Variants in ARHGAP44 observed in about 807,000 individuals in gnomAD.
ARHGAP44 encodes Rho GTPase activating protein 44.
In ARHGAP44, 43 loss-of-function variants were observed where a neutral mutation model predicts 106.8. The ratio of observed to expected loss-of-function variants is 0.40; its 90% CI spans 0.32 to 0.52. The LOEUF (loss-of-function observed/expected upper bound fraction) is 0.52, where lower values mean the gene tolerates loss of function less well. ARHGAP44 is among the 20% of genes least tolerant of loss of function. The probability of loss-of-function intolerance (pLI) is 0.48; values close to 1 mark genes in which losing one functional copy is unlikely to be tolerated. For missense variants in ARHGAP44, 866 were observed against 1,050.5 expected (o/e 0.82, Z 2.43); for synonymous variants, 439 against 410.3 (o/e 1.07, Z -0.85).
At chr17:12,835,425 G>A (rs2035209025) in intron 1 of ARHGAP44, among the ~76,000 whole-genome samples, 1 of 152,102 alleles carries the variant, frequency 6.6e-6, no homozygotes, top group South Asian at 2.1e-4. Context: ...AATACCGTAG[G>A]CATGATGATA....
At chr17:12,903,125 AGGAGAGAGAGAGAGAGTGTGT>A in intron 3 of ARHGAP44, among the ~76,000 whole-genome samples, 2 of 72,770 alleles carry the variant, frequency 2.7e-5, no homozygotes, top group African/African-American at 1.2e-4. Context: ...AGAGAGAGAG[AGGAGAGAGAGAGAGAGTGTGT>A]GTGTGTGTGT....
In ARHGAP44 at chr17:12,974,198, G is replaced by T; in HGVS notation, c.1651G>T (p.Glu551Ter). The change falls in exon 18 of 21, where the codon GAG (glutamate) becomes TAG (stop). Residue 551 changes from glutamate to a stop codon, truncating the protein, a stop_gained. Coordinates refer to ENST00000379672, the MANE Select transcript of ARHGAP44 (RefSeq NM_014859.6). LOFTEE classifies it high-confidence loss of function. ...CATGCAGCCTCCCGCCCCGCCCGCC[G>T]AGCTGGCTGCGCCCCTGCCTTCGCC... Reference protein sequence around the residue: ...PSMQPPAPPAELAAPLPSPLP... With the variant: ...PSMQPPAPPA 6.5e-7 allele frequency: 1 copy of T among 1,548,556 alleles called. No individual in the cohort carries two copies. Among genetic ancestry groups the T allele is most frequent in the Non-Finnish European group, 8.7e-7 (1 of 1,146,726 alleles).
rs1437625903 is a variant in ARHGAP44, at chr17:12,827,215, G to T, written c.53+37324G>T. On this transcript the variant is annotated intron_variant, in intron 1 of 20. Coordinates refer to ENST00000379672, the MANE Select transcript of ARHGAP44 (RefSeq NM_014859.6). ...TTTTGTCTGTGTTCTTATAAAATAT[G>T]TATTGTTGTTTTGGTTATTTTAATT... 1.8e-4 allele frequency among the ~76,000 whole-genome samples: 28 copies of T among 152,072 alleles called. 1 individual carries two copies. Among genetic ancestry groups the T allele is most frequent in the Admixed American group, 1.8e-3 (27 of 15,276 alleles).
intron 16 of ARHGAP44, among the ~76,000 whole-genome samples, chr17:12,963,027 C>CA (rs2039300445): frequency 8.5e-6 from 1 of 117,046 alleles, no homozygotes; most frequent in South Asian, 2.6e-4. Flanking sequence ...GCCTGGGCAA[C>CA]AGGAGTGAAA....
Position 12,789,764 on chromosome 17 carries a change from C to CCACG in ARHGAP44, c.-75_-74insCACG. ...CGCCCGGGAGGCTCCGCGCGGGAGC[C>CCACG]ATGTAACCCTGCGGCGGGCTCCGGG... is the stretch of plus-strand genomic sequence containing the variant. On this transcript the variant is annotated 5_prime_UTR_variant, in exon 1 of 21. Transcript: ENST00000379672. 7.5e-7 allele frequency: 1 copy of CCACG among 1,331,218 alleles called. No individual in the cohort carries two copies. Among genetic ancestry groups the CCACG allele is most frequent in the Non-Finnish European group, 9.8e-7 (1 of 1,022,778 alleles). The allele number at this position is 1,331,218 out of a possible 1,614,324, so 82.5% of individuals were successfully genotyped here.
At chr17:12,799,379 G>A (rs1488810246) in intron 1 of ARHGAP44, among the ~76,000 whole-genome samples, 4 of 152,200 alleles carry the variant, frequency 2.6e-5, no homozygotes, top group Non-Finnish European at 4.4e-5. Flanking sequence ...GCTCTCCTCC[G>A]TGTGTGATTC....
At chr17:12,916,329 T>C (rs2037913361) in intron 5 of ARHGAP44, among the ~76,000 whole-genome samples, 2 of 151,842 alleles carry the variant, frequency 1.3e-5, no homozygotes, top group Non-Finnish European at 2.9e-5. Context: ...AAGTCTTCAG[T>C]GCTGTGAACA....
intron 6 of ARHGAP44, among the ~76,000 whole-genome samples, chr17:12,920,646 G>A (rs970318561): frequency 2.6e-5 from 4 of 152,140 alleles, no homozygotes; most frequent in African/African-American, 9.7e-5. Context: ...GAAGTAGGAG[G>A]TGAGAGCCAG....
At chr17:12,879,342 A>G (rs966859203) in intron 1 of ARHGAP44, among the ~76,000 whole-genome samples, 1 of 152,188 alleles carries the variant, frequency 6.6e-6, no homozygotes. Context: ...CATGGTGTAT[A>G]TCACATTTTC....
At chr17:12,966,117 C>G (rs2039383961) in intron 16 of ARHGAP44, among the ~76,000 whole-genome samples, 1 of 148,598 alleles carries the variant, frequency 6.7e-6, no homozygotes, top group African/African-American at 2.5e-5. Flanking sequence ...GATAGTGTCA[C>G]TGCACTCCAG....
intron 7 of ARHGAP44, among the ~76,000 whole-genome samples, chr17:12,933,467 G>C (rs1278995983): frequency 6.6e-6 from 1 of 152,206 alleles, no homozygotes; most frequent in African/African-American, 2.4e-5. Flanking sequence ...CTGCCTTCCT[G>C]TGTTCTTTCA....
chr17:12,951,371 A>C (rs2038988568), intron 12 of ARHGAP44, among the ~76,000 whole-genome samples: 1 of 152,202 alleles, frequency 6.6e-6, no homozygotes, highest in Non-Finnish European at 1.5e-5. Context: ...CTTGAATCCA[A>C]GGAGTCCGGT....
intron 1 of ARHGAP44, among the ~76,000 whole-genome samples, chr17:12,799,608 G>A (rs941614881): frequency 2.0e-5 from 3 of 152,142 alleles, no homozygotes; most frequent in African/African-American, 4.8e-5. Flanking sequence ...TGAATCTCCA[G>A]CAGTCTTCTT....
Position 12,975,811 on chromosome 17 carries a change from A to G in ARHGAP44, c.1763+1501A>G, listed in dbSNP as rs1036230402. ...ACTCCGTCTCAAAAAAAAAAAAAAA[A>G]AAAAAAGAAAAAAAGACATGATTGC... On this transcript the variant is annotated intron_variant, in intron 18 of 20. Transcript: ENST00000379672. Among the ~76,000 whole-genome samples the G allele has an allele frequency of 1.1e-4, 17 of 150,728 alleles. 1 individual carries two copies. The highest frequency in any genetic ancestry group is 7.9e-4 in the Admixed American group (12 of 15,156).
intron 1 of ARHGAP44, among the ~76,000 whole-genome samples, chr17:12,874,107 A>G (rs59504726): frequency 0.16 from 24,805 of 152,118 alleles, 2,172 homozygotes; most frequent in Middle Eastern, 0.23. Context: ...CTCTGTGCCA[A>G]TCCTTCATGG....
chr17:12,952,651 G>T, intron 13 of ARHGAP44, 70 bp downstream of exon 13: 1 of 1,176,162 alleles, frequency 8.5e-7, no homozygotes, highest in South Asian at 1.4e-5. Flanking sequence ...ACAACTGCCC[G>T]GGTAAAAGTC....
chr17:12,914,971 G>A (rs960606311), intron 4 of ARHGAP44, among the ~76,000 whole-genome samples: 2 of 152,170 alleles, frequency 1.3e-5, no homozygotes, highest in African/African-American at 4.8e-5. Flanking sequence ...GAACAGGAAA[G>A]GAATATCCTC....
chr17:12,873,939 AAATAAATAAATAAAAG>A (rs1295897661), intron 1 of ARHGAP44, among the ~76,000 whole-genome samples: 26 of 53,626 alleles, frequency 4.8e-4, no homozygotes, highest in Non-Finnish European at 1.0e-3. Flanking sequence ...ACAAATAAAT[AAATAAATAAATAAAAG>A]AAAGAAAGAA....
At chr17:12,829,358 G>A (rs2035021575) in intron 1 of ARHGAP44, among the ~76,000 whole-genome samples, 1 of 152,016 alleles carries the variant, frequency 6.6e-6, no homozygotes, top group East Asian at 1.9e-4. Context: ...AATCACTCTT[G>A]AAACCCTTTC....
Sources: allele counts gnomAD v4.1 joint callset (sites outside exome capture counted in the v4.1 genomes callset), GRCh38; gene constraint gnomAD v4.1.1; transcripts MANE v1.5; gene names NCBI Gene and HGNC (gene_info 2026-07-23, HGNC 2026-07-21).